The following LGSN variants were observed in gnomAD, a reference collection of about 807,000 sequenced individuals.
The protein encoded by LGSN is lengsin.
Under a neutral mutation model 19.5 loss-of-function variants are expected in LGSN, and 21 were observed. The ratio of observed to expected loss-of-function variants is 1.07; its 90% confidence interval spans 0.76 to 1.55. The LOEUF (loss-of-function observed/expected upper bound fraction) is 1.55, where lower values mean the gene tolerates loss of function less well. Among genes scored for constraint, LGSN ranks in the 40% most tolerant of loss-of-function variants. The probability of loss-of-function intolerance (pLI) is 0.00; values close to 1 mark genes in which losing one functional copy is unlikely to be tolerated. For missense variants in LGSN, 673 were observed against 608.5 expected (o/e 1.11, Z -1.12); for synonymous variants, 257 against 215.6 (o/e 1.19, Z -1.68).
At chr6:63,320,962 T>C (rs906926832), upstream of LGSN, among the ~76,000 whole-genome samples, 2 of 152,192 alleles carry the variant, frequency 1.3e-5, no homozygotes, top group Non-Finnish European at 2.9e-5. Flanking sequence ...GTTCCATGAC[T>C]GACTCTAAAG....
At chr6:63,506,333 G>A in the LGSN span, among the ~76,000 whole-genome samples, 7 of 151,722 alleles carry the variant, frequency 4.6e-5, no homozygotes, top group Non-Finnish European at 7.4e-5. Context: ...GTGGGATCTC[G>A]GATCTCTGCA....
At chr6:63,355,222 C>A in the LGSN span, among the ~76,000 whole-genome samples, 1 of 151,746 alleles carries the variant, frequency 6.6e-6, no homozygotes, top group East Asian at 1.9e-4. Flanking sequence ...TCACATGTAC[C>A]CTACAAATAC....
chr6:63,352,566 C>T, the LGSN span, among the ~76,000 whole-genome samples: 8 of 152,008 alleles, frequency 5.3e-5, no homozygotes, highest in South Asian at 6.2e-4. Context: ...GAGGCTGAGG[C>T]GGGAAGATTG....
the LGSN span, among the ~76,000 whole-genome samples, chr6:63,432,719 T>C: frequency 6.6e-6 from 1 of 151,250 alleles, no homozygotes; most frequent in African/African-American, 2.4e-5. Context: ...AAGAAATAAA[T>C]TTTTCTCCAC....
the LGSN span, among the ~76,000 whole-genome samples, chr6:63,351,859 C>T: frequency 6.6e-6 from 1 of 152,122 alleles, no homozygotes; most frequent in African/African-American, 2.4e-5. Flanking sequence ...AATGATGTTT[C>T]AATGACATAT....
the LGSN span, among the ~76,000 whole-genome samples, chr6:63,563,605 C>G: frequency 6.6e-6 from 1 of 152,182 alleles, no homozygotes; most frequent in Admixed American, 6.5e-5. Flanking sequence ...TCTCTTTTCT[C>G]ACCTGTATAT....
In LGSN at chr6:63,276,352, AG is replaced by A. The variant is rs1347316351; in HGVS notation, c.*3668del. The A allele has an allele frequency of 6.6e-6, 1 of 152,234 alleles. No individual in the cohort carries two copies. The highest frequency in any genetic ancestry group is 1.5e-5 in the Non-Finnish European group (1 of 68,038). 9.4% of individuals were successfully genotyped at this position (152,234 alleles called of 1,614,324 possible). On this transcript the variant is annotated 3_prime_UTR_variant, in exon 4 of 4. Transcript: ENST00000370657. ...TTCACACACTGTAAAATGAAATTTT[AG>A]ATTATAGAATGTCCTTGAAAATAGA...
At chr6:63,441,539 G>A in the LGSN span, 1 of 416,766 alleles carries the variant, frequency 2.4e-6, no homozygotes, top group Non-Finnish European at 4.6e-6. Flanking sequence ...GACCACAAGT[G>A]GGAGAGGCAG....
chr6:63,571,867 G>C, the LGSN span: 1 of 152,168 alleles, frequency 6.6e-6, no homozygotes, highest in Non-Finnish European at 1.5e-5. Flanking sequence ...GCTTGAAAGC[G>C]CCCCCAGGGA....
At chr6:63,505,565 A>AAAAGAAAGAAAGAGAAAGAAAGAAAG in the LGSN span, among the ~76,000 whole-genome samples, 1 of 58,674 alleles carries the variant, frequency 1.7e-5, no homozygotes, top group African/African-American at 8.8e-5. Context: ...AAAAAAAAAA[A>AAAAGAAAGAAAGAGAAAGAAAGAAAG]AAAGAAAGAA....
the LGSN span, among the ~76,000 whole-genome samples, chr6:63,452,961 C>G: frequency 6.6e-6 from 1 of 152,004 alleles, no homozygotes; most frequent in African/African-American, 2.4e-5. Context: ...CTGTTTGGGT[C>G]ACACTAACAA....
chr6:63,553,669 A>ACTGATTAGGT, the LGSN span, among the ~76,000 whole-genome samples: 3 of 152,200 alleles, frequency 2.0e-5, no homozygotes, highest in African/African-American at 7.2e-5. Context: ...TTGCATTATC[A>ACTGATTAGGT]CTGATTAGGT....
chr6:63,392,314 CTT>C, the LGSN span: 1 of 152,362 alleles, frequency 6.6e-6, no homozygotes, highest in Non-Finnish European at 1.5e-5. Context: ...TGCAGGCCTG[CTT>C]AGGCCCAGCC....
the LGSN span, among the ~76,000 whole-genome samples, chr6:63,326,388 C>T: frequency 4.6e-5 from 7 of 152,340 alleles, no homozygotes; most frequent in Admixed American, 3.9e-4. Context: ...CTGGCTTCAC[C>T]CAGTGGATTC....
the LGSN span, among the ~76,000 whole-genome samples, chr6:63,540,276 G>A: frequency 6.6e-6 from 1 of 151,562 alleles, no homozygotes; most frequent in South Asian, 2.1e-4. Flanking sequence ...TAGAATCATA[G>A]ATAGATCTTA....
At chr6:63,409,391 T>C in the LGSN span, among the ~76,000 whole-genome samples, 1 of 152,228 alleles carries the variant, frequency 6.6e-6, no homozygotes, top group South Asian at 2.1e-4. Context: ...CTAAACTTCT[T>C]GATCAAGTAT....
the LGSN span, among the ~76,000 whole-genome samples, chr6:63,511,473 C>T: frequency 9.3e-4 from 141 of 152,212 alleles, no homozygotes; most frequent in South Asian, 2.7e-3. Context: ...TTAGGCTGGT[C>T]TTGAACTCCT....
chr6:63,417,778 A>G, the LGSN span, among the ~76,000 whole-genome samples: 1 of 152,252 alleles, frequency 6.6e-6, no homozygotes, highest in South Asian at 2.1e-4. Flanking sequence ...GAGGACTCAT[A>G]GTACTTAGTG....
chr6:63,413,366 T>C, the LGSN span, among the ~76,000 whole-genome samples: 1 of 152,172 alleles, frequency 6.6e-6, no homozygotes, highest in Non-Finnish European at 1.5e-5. Context: ...AAGAAATGGA[T>C]ACACAATATT....
Sources: gnomAD v4.1 joint callset for allele counts (sites outside exome capture counted in the v4.1 genomes callset) on GRCh38, gnomAD v4.1.1 for gene constraint, MANE v1.5 for transcripts, NCBI Gene and HGNC (gene_info 2026-07-23, HGNC 2026-07-21) for gene names.